The following SMARCC1 variants were observed in gnomAD, a reference collection of about 807,000 sequenced individuals.
SMARCC1 encodes the protein SWI/SNF related BAF chromatin remodeling complex subunit C1, also known as SWI/SNF complex subunit SMARCC1.
A neutral mutation model predicts 147.4 loss-of-function variants in SMARCC1; 43 were observed. The ratio of observed to expected loss-of-function variants is 0.29; its 90% CI spans 0.23 to 0.38. SMARCC1 has a LOEUF of 0.38. Among genes scored for constraint, SMARCC1 ranks in the 10% least tolerant of loss-of-function variants. SMARCC1 has a pLI of 1.00. For missense variants in SMARCC1, 1,119 were observed against 1,381.1 expected (o/e 0.81, Z 3.01); for synonymous variants, 495 against 484.4 (o/e 1.02, Z -0.29).
chr3:47,710,298 A>ACTC (rs2106797813), intron 9 of SMARCC1, among the ~76,000 whole-genome samples: 1 of 152,314 alleles, frequency 6.6e-6, no homozygotes, highest in African/African-American at 2.4e-5. Context: ...AGCCTGGGCT[A>ACTC]CAGAGCAAGA....
At chr3:47,739,388 A>C (rs1284285882) in intron 3 of SMARCC1, among the ~76,000 whole-genome samples, 2 of 152,316 alleles carry the variant, frequency 1.3e-5, no homozygotes, top group East Asian at 1.9e-4. Flanking sequence ...TGGTGCAGTA[A>C]GAGCTCCCTG....
chr3:47,689,276 G>A (rs1438523286), intron 13 of SMARCC1, 111 bp downstream of exon 13: 3 of 814,528 alleles, frequency 3.7e-6, no homozygotes, highest in Admixed American at 4.8e-5. Context: ...TCAAAAACCA[G>A]AAGGGCTTCA....
At chr3:47,603,767 A>C (rs2032425428) in intron 26 of SMARCC1, 1 of 299,416 alleles carries the variant, frequency 3.3e-6, no homozygotes, top group African/African-American at 2.2e-5. Flanking sequence ...CAAAACCTAA[A>C]GGTGGTCTAA....
At chr3:47,650,225 G>T (rs2033170889) in intron 21 of SMARCC1, among the ~76,000 whole-genome samples, 1 of 150,854 alleles carries the variant, frequency 6.6e-6, no homozygotes, top group Admixed American at 6.6e-5. Context: ...GCAGTGAGCG[G>T]AGATCGTGCA....
At chr3:47,661,793 AC>A (rs2033350969) in intron 20 of SMARCC1, among the ~76,000 whole-genome samples, 2 of 152,104 alleles carry the variant, frequency 1.3e-5, no homozygotes, top group Non-Finnish European at 2.9e-5. Flanking sequence ...CAAGGATTAA[AC>A]ATCCATAAAA....
At chr3:47,608,334 G>A (rs1007355220) in intron 26 of SMARCC1, among the ~76,000 whole-genome samples, 1 of 152,072 alleles carries the variant, frequency 6.6e-6, no homozygotes, top group African/African-American at 2.4e-5. Context: ...TGATCCGCCC[G>A]CCTCGGCCTC....
At chr3:47,658,771 A>ACTAC (rs1260648701) in intron 21 of SMARCC1, among the ~76,000 whole-genome samples, 1 of 152,210 alleles carries the variant, frequency 6.6e-6, no homozygotes, top group Non-Finnish European at 1.5e-5. Context: ...TAAGACACAA[A>ACTAC]CTACCAAAAC....
In SMARCC1 at chr3:47,738,031, G is replaced by A; in HGVS notation, c.481C>T (p.Gln161Ter). 6.3e-7 allele frequency: 1 copy of A among 1,590,900 alleles called. No homozygotes were observed. Among genetic ancestry groups the A allele is most frequent in the Non-Finnish European group, 8.6e-7 (1 of 1,167,904 alleles). Residue 161 changes from glutamine (Q) to a stop codon, truncating the protein, a stop_gained and splice_region_variant, in exon 4 of 28, where the codon CAG (glutamine) becomes TAG (stop). Transcript: ENST00000254480. LOFTEE classifies it high-confidence loss of function. ...MFMNIEKTLV[Q>*]NNCLTRPNIY... ...AATAACCTAAGTTTCCAAGTTACCTGCACCAATGTTTTTTCAATGTTCATA... is the reference window on the plus strand; with the variant it reads ...AATAACCTAAGTTTCCAAGTTACCTACACCAATGTTTTTTCAATGTTCATA...
intron 13 of SMARCC1, among the ~76,000 whole-genome samples, chr3:47,688,193 G>A (rs907244349): frequency 1.3e-5 from 2 of 152,092 alleles, no homozygotes; most frequent in Non-Finnish European, 2.9e-5. Flanking sequence ...CCGGGAGGCG[G>A]AGGTTGTGGT....
intron 4 of SMARCC1, among the ~76,000 whole-genome samples, chr3:47,737,622 G>A (rs2034459183): frequency 6.6e-6 from 1 of 151,882 alleles, no homozygotes; most frequent in Non-Finnish European, 1.5e-5. Context: ...AAGCCAATCT[G>A]TGGTTTTTTT....
At position 47,720,753 on chromosome 3, in the gene SMARCC1, A is replaced by T. The variant is rs2034223037; in HGVS notation, c.647-18T>A. ...CCATTCTTCTGGAAGAGAAAAAGAA[A>T]CAACTTTACTCAAACTGACAAAATA... On this transcript the variant is annotated intron_variant, in intron 6 of 27. Coordinates refer to ENST00000254480, the MANE Select transcript of SMARCC1 (RefSeq NM_003074.4). 6.4e-7 allele frequency: 1 copy of T among 1,566,488 alleles called. No homozygotes were observed.
intron 11 of SMARCC1, among the ~76,000 whole-genome samples, chr3:47,695,924 GGGCGT>G (rs2033845188): frequency 8.2e-6 from 1 of 121,360 alleles, no homozygotes; most frequent in South Asian, 3.0e-4. Flanking sequence ...AAAATCAGCC[GGGCGT>G]GGTGGTGCAT....
intron 15 of SMARCC1, among the ~76,000 whole-genome samples, chr3:47,679,316 G>A (rs1227122890): frequency 6.6e-6 from 1 of 152,010 alleles, no homozygotes; most frequent in Non-Finnish European, 1.5e-5. Context: ...AAGGGTTCCA[G>A]AAGTATATAC....
intron 19 of SMARCC1, chr3:47,663,889 C>A: frequency 6.7e-7 from 1 of 1,499,766 alleles, no homozygotes; most frequent in Non-Finnish European, 9.3e-7. Flanking sequence ...CGGTCACAGC[C>A]ATCTTGCTGG....
At chr3:47,677,639 T>G (rs1482584540) in intron 16 of SMARCC1, among the ~76,000 whole-genome samples, 1 of 151,910 alleles carries the variant, frequency 6.6e-6, no homozygotes, top group Non-Finnish European at 1.5e-5. Flanking sequence ...GCAATCTCTG[T>G]CTCCTGAGTT....
chr3:47,696,914 G>A (rs2033859686), intron 11 of SMARCC1, among the ~76,000 whole-genome samples: 1 of 152,212 alleles, frequency 6.6e-6, no homozygotes. Context: ...AGGCTGCAGT[G>A]CAGTGATGCA....
chr3:47,744,399 T>C (rs1227398389), intron 3 of SMARCC1, among the ~76,000 whole-genome samples: 2 of 152,088 alleles, frequency 1.3e-5, no homozygotes, highest in Non-Finnish European at 2.9e-5. Flanking sequence ...AATCAATATC[T>C]ATTAAACACC....
chr3:47,667,724 A>C (rs1400037280), intron 19 of SMARCC1, among the ~76,000 whole-genome samples: 1 of 152,104 alleles, frequency 6.6e-6, no homozygotes, highest in Non-Finnish European at 1.5e-5. Flanking sequence ...TGAAAATACA[A>C]AAATTAGCTG....
intron 14 of SMARCC1, among the ~76,000 whole-genome samples, chr3:47,684,978 C>T (rs1559644620): frequency 6.6e-6 from 1 of 152,076 alleles, no homozygotes; most frequent in African/African-American, 2.4e-5. Flanking sequence ...ATTTCATGAA[C>T]AGAAGATTTG....
Sources: allele counts gnomAD v4.1 joint callset (sites outside exome capture counted in the v4.1 genomes callset), GRCh38; gene constraint gnomAD v4.1.1; transcripts MANE v1.5; gene names NCBI Gene and HGNC (gene_info 2026-07-23, HGNC 2026-07-21).